SLC35F3: variants seen among roughly 807,000 people sequenced by gnomAD.
SLC35F3 encodes the protein putative thiamine transporter SLC35F3.
In SLC35F3, 25 loss-of-function variants were observed where a neutral mutation model predicts 49.9. The observed-to-expected ratio is 0.50, with a 90% CI of 0.37 to 0.70. SLC35F3 has a LOEUF of 0.70. Among genes scored for constraint, SLC35F3 ranks in the 30% least tolerant of loss-of-function variants. The probability of loss-of-function intolerance (pLI) is 0.00; values close to 1 mark genes in which losing one functional copy is unlikely to be tolerated. For synonymous variants in SLC35F3, 275 were observed against 265.4 expected, an observed-to-expected ratio of 1.04 and a Z score of -0.35; for missense variants, 525 against 639.8, an observed-to-expected ratio of 0.82 and a Z score of 1.94.
At position 234,318,920 on chromosome 1, in the gene SLC35F3, G is replaced by C; in HGVS notation, c.1124G>C (p.Cys375Ser). Reference sequence around the variant, plus strand: ...GATGACATTCCATGGGGAAACCTTTGTGGATTTTCAGTTCTTTTATTGAGT... The same window carrying C: ...GATGACATTCCATGGGGAAACCTTTCTGGATTTTCAGTTCTTTTATTGAGT... ...SFDDIPWGNL[C>S]GFSVLLLTFN... The change falls in exon 6 of 8, where the codon TGT becomes TCT. Residue 375 changes from cysteine (C) to serine (S), a missense_variant. Cys to Ser is a moderately radical substitution (Grantham distance 112). Transcript: ENST00000366618. 1 of 1,614,012 alleles carries C rather than the reference G, an allele frequency of 6.2e-7. No individual in the cohort carries two copies. The highest frequency in any genetic ancestry group is 8.5e-7 in the Non-Finnish European group (1 of 1,179,974).
intron 2 of SLC35F3, among the ~76,000 whole-genome samples, chr1:234,005,612 CTGTT>C (rs1418292970): frequency 1.3e-5 from 2 of 152,316 alleles, no homozygotes; most frequent in South Asian, 4.1e-4. Context: ...TGGGGGATGA[CTGTT>C]TGGTGATACA....
At chr1:234,178,909 A>C (rs1049008073) in intron 2 of SLC35F3, among the ~76,000 whole-genome samples, 5 of 152,306 alleles carry the variant, frequency 3.3e-5, no homozygotes, top group Non-Finnish European at 7.4e-5. Flanking sequence ...TGCCCTAAAA[A>C]TCCTTCCCCC....
chr1:234,114,177 C>T (rs1665449783), intron 2 of SLC35F3, among the ~76,000 whole-genome samples: 1 of 152,146 alleles, frequency 6.6e-6, no homozygotes, highest in African/African-American at 2.4e-5. Context: ...CCACTGCATG[C>T]CATTAATAGA....
intron 2 of SLC35F3, among the ~76,000 whole-genome samples, chr1:234,157,972 T>C (rs998192705): frequency 6.6e-6 from 1 of 152,234 alleles, no homozygotes; most frequent in African/African-American, 2.4e-5. Flanking sequence ...CTTGCAGGTG[T>C]ATTGACTCTT....
intron 2 of SLC35F3, among the ~76,000 whole-genome samples, chr1:233,985,744 A>G (rs1338986576): frequency 6.6e-6 from 1 of 152,240 alleles, no homozygotes; most frequent in Admixed American, 6.5e-5. Context: ...TCTCTAAGCT[A>G]AAATCATCCA....
At chr1:234,271,779 C>T (rs150665947) in intron 3 of SLC35F3, among the ~76,000 whole-genome samples, 10 of 152,026 alleles carry the variant, frequency 6.6e-5, no homozygotes, top group Non-Finnish European at 1.3e-4. Context: ...AATGATAATT[C>T]CTTGACCTTC....
intron 2 of SLC35F3, among the ~76,000 whole-genome samples, chr1:234,198,346 A>C (rs1666846496): frequency 6.6e-6 from 1 of 152,194 alleles, no homozygotes; most frequent in African/African-American, 2.4e-5. Flanking sequence ...TATTATGCAT[A>C]ATGCTGCTCT....
chr1:234,242,358 G>A (rs1253088449), intron 3 of SLC35F3, among the ~76,000 whole-genome samples: 1 of 152,208 alleles, frequency 6.6e-6, no homozygotes, highest in Non-Finnish European at 1.5e-5. Flanking sequence ...GGGTCCCTAG[G>A]AAACTTCCTC....
chr1:234,024,687 CCACTAACT>C (rs1663951240), intron 2 of SLC35F3, among the ~76,000 whole-genome samples: 1 of 152,116 alleles, frequency 6.6e-6, no homozygotes, highest in Non-Finnish European at 1.5e-5. Context: ...AACCCATGAT[CCACTAACT>C]CATTGATCCA....
chr1:234,155,782 C>CAAA (rs59089092), intron 2 of SLC35F3, among the ~76,000 whole-genome samples: 9,810 of 142,578 alleles, frequency 0.069, 1,029 homozygotes, highest in African/African-American at 0.23. Context: ...CACAATATAC[C>CAAA]AAAAAAAAAA....
chr1:233,907,407 A>G (rs1021968287), intron 2 of SLC35F3, among the ~76,000 whole-genome samples: 1 of 152,228 alleles, frequency 6.6e-6, no homozygotes, highest in African/African-American at 2.4e-5. Flanking sequence ...AGACAAGAGA[A>G]GGGCCATGTG....
At chr1:234,060,418 G>A (rs1001200559) in intron 2 of SLC35F3, among the ~76,000 whole-genome samples, 6 of 152,080 alleles carry the variant, frequency 3.9e-5, no homozygotes, top group East Asian at 1.9e-4. Context: ...TGCAGTGAGC[G>A]ATAGGAATGT....
intron 3 of SLC35F3, among the ~76,000 whole-genome samples, chr1:234,250,985 G>A (rs1199787231): frequency 2.6e-5 from 4 of 152,126 alleles, no homozygotes; most frequent in South Asian, 2.1e-4. Flanking sequence ...TTCAACATGA[G>A]ATTTGGAGGG....
At position 234,262,029 on chromosome 1, in the gene SLC35F3, A is replaced by G. The variant is rs151068955; in HGVS notation, c.608+30288A>G. On this transcript the variant is annotated intron_variant, in intron 3 of 7. Coordinates refer to ENST00000366618, the MANE Select transcript of SLC35F3 (RefSeq NM_173508.4). ...CCCCAGGACAGTTGCCTGGTTGGGTAGGAAGCTGTTGGTGTTCATCTCAAC... is the reference window on the plus strand; with the variant it reads ...CCCCAGGACAGTTGCCTGGTTGGGTGGGAAGCTGTTGGTGTTCATCTCAAC... Among the ~76,000 whole-genome samples, 108 of 152,326 alleles carry G rather than the reference A, an allele frequency of 7.1e-4. No individual in the cohort carries two copies. In the Middle Eastern group the frequency reaches 0.014, roughly 19 times the overall value.
chr1:234,082,048 C>T (rs140988273), intron 2 of SLC35F3, among the ~76,000 whole-genome samples: 1 of 151,558 alleles, frequency 6.6e-6, no homozygotes, highest in South Asian at 2.1e-4. Context: ...AGCCACTGCG[C>T]CCAGCCCAAA....
chr1:233,991,352 GC>G (rs557913700), intron 2 of SLC35F3, among the ~76,000 whole-genome samples: 297 of 152,042 alleles, frequency 2.0e-3, no homozygotes, highest in Middle Eastern at 0.01. Context: ...TTCTTGAAAC[GC>G]CCGTGCCTTG....
At chr1:234,202,227 A>G (rs1009919984) in intron 2 of SLC35F3, among the ~76,000 whole-genome samples, 1 of 152,170 alleles carries the variant, frequency 6.6e-6, no homozygotes, top group Non-Finnish European at 1.5e-5. Context: ...GTGGTGCAGA[A>G]CAACACATAC....
At chr1:233,925,635 C>T (rs896227566) in intron 2 of SLC35F3, among the ~76,000 whole-genome samples, 3 of 152,010 alleles carry the variant, frequency 2.0e-5, no homozygotes, top group Non-Finnish European at 4.4e-5. Flanking sequence ...CATTTACATT[C>T]AAGGTTAATA....
intron 2 of SLC35F3, among the ~76,000 whole-genome samples, chr1:233,979,271 G>T (rs1223862175): frequency 6.6e-6 from 1 of 152,050 alleles, no homozygotes; most frequent in Non-Finnish European, 1.5e-5. Context: ...GGTTCCATCT[G>T]GACATTCAAG....
Sources: allele counts gnomAD v4.1 joint callset (sites outside exome capture counted in the v4.1 genomes callset), GRCh38; gene constraint gnomAD v4.1.1; transcripts MANE v1.5; gene names NCBI Gene and HGNC (gene_info 2026-07-23, HGNC 2026-07-21).